Variants in ARV1 observed in about 807,000 individuals in gnomAD.
The protein encoded by ARV1 is ARV1 fatty acid homeostasis modulator, also known as protein ARV1.
Under a neutral mutation model 31.1 loss-of-function variants are expected in ARV1, and 26 were observed. The observed-to-expected ratio is 0.84, with a 90% CI of 0.61 to 1.16. The LOEUF is 1.16. ARV1 is among the 50% of genes most tolerant of loss of function. The pLI is 0.00. For synonymous variants in ARV1, 117 were observed against 123.2 expected (o/e 0.95, Z 0.34); for missense variants, 281 against 324.9 (o/e 0.86, Z 1.04).
chr1:230,989,351 A>G lies in ARV1; in HGVS notation c.295-759A>G, dbSNP rs556160056. Among the ~76,000 whole-genome samples the G allele has an allele frequency of 5.4e-4, 82 of 152,154 alleles. 1 individual carries two copies. The highest frequency in any genetic ancestry group is 5.4e-3 in the Admixed American group (82 of 15,276). ...TGAGGTTCGCCATGTTGACCAGGCTAGTCTGGAATTCCTGACCTCAAGTGA... is the reference window on the plus strand; with the variant it reads ...TGAGGTTCGCCATGTTGACCAGGCTGGTCTGGAATTCCTGACCTCAAGTGA... On this transcript the variant is annotated intron_variant, in intron 2 of 5. Transcript: ENST00000310256.
intron 5 of ARV1, among the ~76,000 whole-genome samples, chr1:230,998,692 G>C (rs920655058): frequency 2.6e-5 from 4 of 151,522 alleles, no homozygotes; most frequent in Non-Finnish European, 5.9e-5. Context: ...GATGGCTTGA[G>C]CCCAGGAGAT....
chr1:230,990,331 G>A, intron 3 of ARV1, 68 bp downstream of exon 3: 1 of 1,568,024 alleles, frequency 6.4e-7, no homozygotes, highest in Non-Finnish European at 8.7e-7. Flanking sequence ...TTAAAACTAA[G>A]ACATGTAGTC....
intron 3 of ARV1, among the ~76,000 whole-genome samples, chr1:230,993,162 C>G (rs2103053548): frequency 6.6e-6 from 1 of 152,244 alleles, no homozygotes; most frequent in Admixed American, 6.5e-5. Context: ...ACAGTCATAG[C>G]TCACTGCAGC....
At chr1:230,986,395 A>G (rs1166525083) in intron 1 of ARV1, among the ~76,000 whole-genome samples, 1 of 152,172 alleles carries the variant, frequency 6.6e-6, no homozygotes, top group African/African-American at 2.4e-5. Flanking sequence ...GGTATTCTTC[A>G]GTGCCCTTCA....
intron 1 of ARV1, among the ~76,000 whole-genome samples, chr1:230,984,363 C>CGCGTGTGTGT (rs1191353620): frequency 3.1e-5 from 4 of 129,762 alleles, no homozygotes; most frequent in Admixed American, 7.9e-5. Flanking sequence ...TGTGTGTGTG[C>CGCGTGTGTGT]GTGTGTGTGT....
intron 3 of ARV1, among the ~76,000 whole-genome samples, chr1:230,993,595 A>G (rs767019771): frequency 1.3e-5 from 2 of 152,208 alleles, no homozygotes; most frequent in Non-Finnish European, 2.9e-5. Context: ...TAGACTGTAT[A>G]GTCCAAAAGA....
chr1:230,992,485 A>G (rs1679256779), intron 3 of ARV1, among the ~76,000 whole-genome samples: 1 of 152,232 alleles, frequency 6.6e-6, no homozygotes, highest in South Asian at 2.1e-4. Flanking sequence ...TTACTATTTA[A>G]CATATCACAG....
intron 5 of ARV1, among the ~76,000 whole-genome samples, chr1:230,997,497 T>C (rs982661765): frequency 6.6e-6 from 1 of 152,126 alleles, no homozygotes; most frequent in African/African-American, 2.4e-5. Context: ...TTGTTGCTTC[T>C]AGGGTCCTAT....
chr1:230,982,018 ATCT>A (rs1678924086), intron 1 of ARV1, among the ~76,000 whole-genome samples: 1 of 152,130 alleles, frequency 6.6e-6, no homozygotes, highest in African/African-American at 2.4e-5. Context: ...TATAGCACCT[ATCT>A]TCTTGTAATC....
In ARV1 at chr1:230,995,772, A is replaced by G; in HGVS notation, c.461A>G (p.Tyr154Cys). The part of the protein sequence containing the change: ...FAIAALEQTA[Y>C]FIGIFTFLWV... ...ATTTCTTCTTTAGAACAAACTGCCT[A>G]TTTTATTGGCATTTTTACCTTCCTG... The change falls in exon 4 of 6, where the codon TAT becomes TGT. Residue 154 changes from tyrosine (Y) to cysteine (C), a missense_variant. By Grantham distance (194) the Tyr-to-Cys change is radical. Coordinates refer to ENST00000310256, the MANE Select transcript of ARV1 (RefSeq NM_022786.3). The G allele has an allele frequency of 1.2e-6, 2 of 1,612,706 alleles. No homozygotes were observed. The highest frequency in any genetic ancestry group is 1.3e-5 in the African/African-American group (1 of 74,822).
At chr1:230,983,694 G>GA (rs1424629285) in intron 1 of ARV1, among the ~76,000 whole-genome samples, 4 of 152,054 alleles carry the variant, frequency 2.6e-5, no homozygotes, top group African/African-American at 9.7e-5. Context: ...GAATATTTAT[G>GA]AAAAAAATTG....
At chr1:230,991,674 C>G (rs1025943728) in intron 3 of ARV1, among the ~76,000 whole-genome samples, 3 of 151,184 alleles carry the variant, frequency 2.0e-5, no homozygotes, top group Non-Finnish European at 4.4e-5. Context: ...CTCTGTCGCC[C>G]AGGCTGGAGT....
chr1:230,979,711 A>G (rs1407914521), intron 1 of ARV1, among the ~76,000 whole-genome samples: 3 of 152,194 alleles, frequency 2.0e-5, no homozygotes, highest in African/African-American at 4.8e-5. Context: ...TTGGATGTCT[A>G]CGGTGTACAA....
chr1:230,989,217 C>T (rs1254151773), intron 2 of ARV1, among the ~76,000 whole-genome samples: 1 of 152,168 alleles, frequency 6.6e-6, no homozygotes, highest in Non-Finnish European at 1.5e-5. Context: ...CGGCTCACTG[C>T]AGCCTCTACC....
intron 1 of ARV1, among the ~76,000 whole-genome samples, chr1:230,986,306 G>C (rs1679065288): frequency 6.6e-6 from 1 of 152,134 alleles, no homozygotes; most frequent in South Asian, 2.1e-4. Flanking sequence ...ACCTATTCTT[G>C]TAATGACACA....
At chr1:230,982,062 T>G (rs1159767054) in intron 1 of ARV1, among the ~76,000 whole-genome samples, 4 of 152,248 alleles carry the variant, frequency 2.6e-5, no homozygotes, top group African/African-American at 9.6e-5. Context: ...GTTGTGTGTC[T>G]TCTCCTACTG....
rs1281545093 is a variant in ARV1 at position 230,979,152 on chromosome 1, T to G, written c.47T>G (p.Val16Gly). ...GGCCTGCAGCAGGGGAAGGGGAACG[T>G]GGATGGGGTGGCAGCGACTCCTACT... ...RSGLQQGKGNVDGVAATPTAA... is the reference protein window; with the variant it reads ...RSGLQQGKGNGDGVAATPTAA... Residue 16 changes from valine to glycine, a missense_variant, in exon 1 of 6, where the codon GTG becomes GGG. By Grantham distance (109) the Val-to-Gly change is moderately radical (BLOSUM62 -3). Coordinates refer to ENST00000310256, the MANE Select transcript of ARV1 (RefSeq NM_022786.3). 1 of 1,610,448 alleles carries G rather than the reference T, an allele frequency of 6.2e-7. No homozygotes were observed. The highest frequency in any genetic ancestry group is 1.7e-5 in the Admixed American group (1 of 59,758).
intron 3 of ARV1, among the ~76,000 whole-genome samples, chr1:230,995,293 T>A (rs1045793477): frequency 2.0e-5 from 3 of 152,300 alleles, no homozygotes; most frequent in South Asian, 2.1e-4. Flanking sequence ...TATTAAAAAA[T>A]CATGTGGATA....
chr1:230,990,392 T>C (rs1679196612), intron 3 of ARV1, 129 bp downstream of exon 3: 2 of 1,250,808 alleles, frequency 1.6e-6, no homozygotes, highest in Non-Finnish European at 2.2e-6. Flanking sequence ...GATGAAATTT[T>C]CAGCTCTACC....
Sources: allele counts gnomAD v4.1 joint callset (sites outside exome capture counted in the v4.1 genomes callset), GRCh38; gene constraint gnomAD v4.1.1; transcripts MANE v1.5; gene names NCBI Gene and HGNC (gene_info 2026-07-23, HGNC 2026-07-21).